The following NBPF11 variants were observed in gnomAD, a reference collection of about 807,000 sequenced individuals.
NBPF11 encodes NBPF family member NBPF11.
NBPF11 carries 72 observed loss-of-function variants against 93.9 expected under a neutral mutation model. The observed-to-expected ratio is 0.77, with a 90% confidence interval of 0.63 to 0.93. The LOEUF (loss-of-function observed/expected upper bound fraction) is 0.93, where lower values mean the gene tolerates loss of function less well. NBPF11 is among the 40% of genes least tolerant of loss of function. The pLI, the probability that NBPF11 is intolerant of heterozygous loss-of-function variation, is 0.00. For missense variants in NBPF11, 705 were observed against 802.2 expected (o/e 0.88, Z 1.46); for synonymous variants, 224 against 304.9 (o/e 0.73, Z 2.76).
chr1:148,143,256 T>G (rs1445572432), intron 2 of NBPF11, among the ~76,000 whole-genome samples, 159 bp downstream of exon 2: 2 of 152,042 alleles, frequency 1.3e-5, no homozygotes, highest in Non-Finnish European at 2.9e-5. Context: ...GCTGTGAATA[T>G]TTGTTCATTC....
rs1290076817 is a variant in NBPF11 at position 148,106,661 on chromosome 1, G to C, written c.2251+281C>G. On this transcript the variant is annotated intron_variant, in intron 20 of 23. Coordinates refer to ENST00000682118, the MANE Select transcript of NBPF11 (RefSeq NM_001385469.3). ...TACAAACCCTTGAGTCCAAATCATA[G>C]TTCTGTGAATTTTTTACATCTGCCT... Among the ~76,000 whole-genome samples the C allele has an allele frequency of 3.2e-3, 457 of 144,864 alleles. 10 individuals are homozygous for C. The highest frequency in any genetic ancestry group is 9.0e-3 in the African/African-American group (329 of 36,508).
chr1:148,147,471 A>G (rs1238547131), intron 1 of NBPF11, among the ~76,000 whole-genome samples: 5 of 151,918 alleles, frequency 3.3e-5, no homozygotes, highest in Admixed American at 6.5e-5. Context: ...CTAGTCATCC[A>G]CGTCCCCAGC....
chr1:148,146,174 A>G (rs1571498174), intron 1 of NBPF11, among the ~76,000 whole-genome samples: 1 of 151,554 alleles, frequency 6.6e-6, no homozygotes, highest in South Asian at 2.1e-4. Context: ...CCACGGCACG[A>G]CATGGAGACC....
rs1171126687 is a variant in NBPF11 at position 148,112,104 on chromosome 1, CT to C, written c.1638-1564del. ...GAGAGTGGGAGCAATATTCAACATT[CT>C]TTTTTTTCCATATGTATAGTTTTCC... On this transcript the variant is annotated intron_variant, in intron 15 of 23. Transcript: ENST00000682118. Among the ~76,000 whole-genome samples the C allele has an allele frequency of 7.6e-5, 10 of 131,300 alleles. 1 individual carries two copies. The highest frequency in any genetic ancestry group is 4.6e-4 in the South Asian group (2 of 4,326). 86.1% of individuals were successfully genotyped at this position (131,300 alleles called of 152,430 possible). A position where few individuals can be genotyped will look rare whatever the true frequency, so the allele number is the denominator to read the frequency against.
At chr1:148,111,436 C>T (rs1437776615) in intron 15 of NBPF11, among the ~76,000 whole-genome samples, 2 of 152,024 alleles carry the variant, frequency 1.3e-5, no homozygotes, top group Admixed American at 6.5e-5. Context: ...TTCAGAAAGT[C>T]GGTAATAACA....
chr1:148,151,387 C>G (rs2149321647), intron 1 of NBPF11, among the ~76,000 whole-genome samples: 1 of 152,012 alleles, frequency 6.6e-6, no homozygotes, highest in East Asian at 1.9e-4. Flanking sequence ...TCTTGCCCCT[C>G]AAGTTCCCAG....
intron 4 of NBPF11, among the ~76,000 whole-genome samples, chr1:148,133,662 G>A (rs2149271528): frequency 1.3e-5 from 2 of 151,694 alleles, no homozygotes; most frequent in South Asian, 2.1e-4. Flanking sequence ...AAGAGGCCGG[G>A]CATGGTGGCT....
chr1:148,125,583 C>A (rs1668924871), intron 5 of NBPF11, among the ~76,000 whole-genome samples: 2 of 151,948 alleles, frequency 1.3e-5, no homozygotes, highest in African/African-American at 4.9e-5. Flanking sequence ...GTATGAGAGG[C>A]AGCATTAAGA....
chr1:148,110,316 G>T lies in NBPF11; in HGVS notation c.1801+62C>A. 2.6e-6 allele frequency: 4 copies of T among 1,559,490 alleles called. 1 individual carries two copies. The highest frequency in any genetic ancestry group is 3.5e-6 in the Non-Finnish European group (4 of 1,136,368). On this transcript the variant is annotated intron_variant, in intron 16 of 23. Transcript: ENST00000682118. Reference sequence around the variant, plus strand: ...CCCAACCAGGGGCACAAGGCCCAAAGATTATGGGGTCTACCTGGGCCATGA... The same window carrying T: ...CCCAACCAGGGGCACAAGGCCCAAATATTATGGGGTCTACCTGGGCCATGA...
Position 148,122,322 on chromosome 1 carries a change from C to T in NBPF11, c.567-56G>A, listed in dbSNP as rs1190430770. On this transcript the variant is annotated intron_variant, in intron 8 of 23. Transcript: ENST00000682118. The stretch of plus-strand genomic sequence containing the variant: ...AAGATTAAACACAGAGGGATTGGAC[C>T]CCAAGGAGTCCTAGCTGGTTTTGAC... 666 of 1,609,688 alleles carry T rather than the reference C, an allele frequency of 4.1e-4. 14 individuals carry two copies. Among genetic ancestry groups the T allele is most frequent in the African/African-American group, 2.0e-3 (148 of 74,700 alleles).
At chr1:148,122,867 C>T (rs2404386) in intron 7 of NBPF11, 66 bp from the exon 8 acceptor site, 22 of 1,606,352 alleles carry the variant, frequency 1.4e-5, no homozygotes, top group East Asian at 6.7e-5. Flanking sequence ...GTCAGCCCAA[C>T]GTGCACAGAG....
intron 1 of NBPF11, among the ~76,000 whole-genome samples, chr1:148,150,970 G>A (rs1467613164): frequency 2.6e-5 from 4 of 151,744 alleles, no homozygotes; most frequent in East Asian, 1.9e-4. Flanking sequence ...CTCATGATCC[G>A]CCCGCGTCGG....
intron 1 of NBPF11, chr1:148,149,452 G>T: frequency 6.3e-7 from 1 of 1,587,898 alleles, no homozygotes; most frequent in South Asian, 1.1e-5. Context: ...GCCCCAAGGC[G>T]GTGGAGCCGC....
rs1437052114 is a variant in NBPF11, at chr1:148,109,509, G to T, written c.1802-174C>A. On this transcript the variant is annotated intron_variant, in intron 16 of 23. Coordinates refer to ENST00000682118, the MANE Select transcript of NBPF11 (RefSeq NM_001385469.3). Reference sequence around the variant, plus strand: ...GTCAAGTCTTGAGAAAACTGGCTTGGGTTCTTTCATGAGCCTTGGGCAAAA... The same window carrying T: ...GTCAAGTCTTGAGAAAACTGGCTTGTGTTCTTTCATGAGCCTTGGGCAAAA... The T allele has an allele frequency of 7.7e-5, 49 of 637,506 alleles. 2 individuals are homozygous for T. Among genetic ancestry groups the T allele is most frequent in the Admixed American group, 7.3e-4 (30 of 41,276 alleles). The allele number at this position is 637,506 out of a possible 1,614,324, so 39.5% of individuals were successfully genotyped here.
chr1:148,104,405 A>G, intron 23 of NBPF11, 132 bp downstream of exon 23: 1 of 635,270 alleles, frequency 1.6e-6, no homozygotes, highest in Non-Finnish European at 2.7e-6. Context: ...TGCAATGAAA[A>G]CCAACAACAA....
chr1:148,149,661 G>A (rs1454270282), intron 1 of NBPF11: 9 of 1,128,568 alleles, frequency 8.0e-6, no homozygotes, highest in East Asian at 5.2e-5. Flanking sequence ...GGACCCCCCC[G>A]GGCGGCCCAG....
chr1:148,122,308 C>G, intron 8 of NBPF11, 42 bp from the exon 9 acceptor site: 1 of 1,609,982 alleles, frequency 6.2e-7, no homozygotes. Flanking sequence ...AGATTAAACA[C>G]AGAGGGATTG....
At chr1:148,149,759 C>G (rs1327992008) in intron 1 of NBPF11, among the ~76,000 whole-genome samples, 15 of 144,752 alleles carry the variant, frequency 1.0e-4, no homozygotes, top group Admixed American at 1.0e-3. Flanking sequence ...GAAGAAAATA[C>G]GTGAAAACGG....
At chr1:148,127,892 G>A (rs1385257215) in intron 4 of NBPF11, among the ~76,000 whole-genome samples, 18,141 of 150,126 alleles carry the variant, frequency 0.12, 409 homozygotes, top group East Asian at 0.24. Flanking sequence ...TCCTGACCTC[G>A]TGATCTGCCG....
Sources: allele counts gnomAD v4.1 joint callset (sites outside exome capture counted in the v4.1 genomes callset), GRCh38; gene constraint gnomAD v4.1.1; transcripts MANE v1.5; gene names NCBI Gene and HGNC (gene_info 2026-07-23, HGNC 2026-07-21).